The following AHRR variants were observed in gnomAD, a reference collection of about 807,000 sequenced individuals.
AHRR encodes the protein ahR repressor.
Under a neutral mutation model 44.0 loss-of-function variants are expected in AHRR, and 28 were observed. The observed-to-expected ratio is 0.64, with a 90% CI of 0.47 to 0.87. The LOEUF (loss-of-function observed/expected upper bound fraction) is 0.87. AHRR is among the 40% of genes least tolerant of loss of function. AHRR has a pLI of 0.00. For missense variants in AHRR, 990 were observed against 953.9 expected (o/e 1.04, Z -0.50); for synonymous variants, 434 against 407.0 (o/e 1.07, Z -0.80).
chr5:427,779 G>T, intron 7 of AHRR, 28 bp from the exon 8 acceptor site: 1 of 1,612,508 alleles, frequency 6.2e-7, no homozygotes, highest in South Asian at 1.1e-5. Context: ...TGGTGAACAC[G>T]CCTTCCTCTC....
intron 4 of AHRR, among the ~76,000 whole-genome samples, chr5:396,660 G>T (rs748082916): frequency 6.6e-6 from 1 of 152,192 alleles, no homozygotes; most frequent in South Asian, 2.1e-4. Flanking sequence ...CATTTCAGGA[G>T]TCCATCAGAT....
rs1736246235 is a variant in AHRR, at chr5:423,831, T to C, written c.572-10T>C. On this transcript the variant is annotated splice_polypyrimidine_tract_variant and intron_variant, in intron 6 of 10. Coordinates refer to ENST00000684583, the MANE Select transcript of AHRR (RefSeq NM_001377236.1). The stretch of plus-strand genomic sequence containing the variant: ...CCACCGCCACGCCCCTTGGCCCCTA[T>C]GGTCTGCAGGAGATGATGCTATCCT... 6.3e-7 allele frequency: 1 copy of C among 1,593,340 alleles called. No homozygotes were observed. The highest frequency in any genetic ancestry group is 8.5e-7 in the Non-Finnish European group (1 of 1,172,338).
chr5:365,362 C>T lies in AHRR; in HGVS notation c.245-11248C>T, dbSNP rs78776060. ...ATAATAACAAGATAACTTGAAAACC[C>T]GTATAGTTGGAAATAAATAAACACA... On this transcript the variant is annotated intron_variant, in intron 3 of 10. Transcript: ENST00000684583. Among the ~76,000 whole-genome samples the T allele has an allele frequency of 5.3e-3, 802 of 152,036 alleles. 6 individuals carry two copies. The highest frequency in any genetic ancestry group is 8.6e-3 in the Non-Finnish European group (585 of 67,958).
rs1038815122 is a variant in AHRR at position 411,943 on chromosome 5, A to G, written c.352-1401A>G. On this transcript the variant is annotated intron_variant, in intron 4 of 10. Transcript: ENST00000684583. The surrounding 1 kb of genome is among the most constrained non-coding windows in gnomAD (Gnocchi z 4.2). Reference sequence around the variant, plus strand: ...TGGTAGCCTGTGCTTGCTCAGCGTCAGTGGCCATTGCTGCCATGGACAGAT... The same window carrying G: ...TGGTAGCCTGTGCTTGCTCAGCGTCGGTGGCCATTGCTGCCATGGACAGAT... Among the ~76,000 whole-genome samples the G allele has an allele frequency of 2.6e-5, 4 of 152,210 alleles. No individual in the cohort carries two copies. Among genetic ancestry groups the G allele is most frequent in the African/African-American group, 9.6e-5 (4 of 41,454 alleles).
At chr5:363,070 C>G (rs1743235760) in intron 3 of AHRR, among the ~76,000 whole-genome samples, 1 of 152,236 alleles carries the variant, frequency 6.6e-6, no homozygotes, top group African/African-American at 2.4e-5. Context: ...AGTTAAAACT[C>G]TACATGTCTT....
chr5:348,616 G>A (rs1019632271), intron 2 of AHRR, among the ~76,000 whole-genome samples: 1 of 152,162 alleles, frequency 6.6e-6, no homozygotes, highest in Admixed American at 6.5e-5. Context: ...GAATCACACA[G>A]CATTTTGTCT....
At chr5:414,700 G>A (rs1470898452) in intron 5 of AHRR, among the ~76,000 whole-genome samples, 1 of 152,156 alleles carries the variant, frequency 6.6e-6, no homozygotes, top group Non-Finnish European at 1.5e-5. Context: ...GATAACAGCA[G>A]CAATATAAAG....
At chr5:420,921 C>A in intron 5 of AHRR, 1 of 341,628 alleles carries the variant, frequency 2.9e-6, no homozygotes, top group Non-Finnish European at 5.5e-6. Flanking sequence ...CATCCAGGCA[C>A]GCACACGCAG....
chr5:334,068 T>C (rs1318899717), intron 1 of AHRR, among the ~76,000 whole-genome samples: 2 of 152,164 alleles, frequency 1.3e-5, no homozygotes, highest in African/African-American at 2.4e-5. Context: ...CCTGCAAGGT[T>C]TTTGCTGAGA....
intron 1 of AHRR, among the ~76,000 whole-genome samples, chr5:334,527 G>A (rs896634968): frequency 6.6e-6 from 1 of 151,396 alleles, no homozygotes; most frequent in Non-Finnish European, 1.5e-5. Context: ...AATGTATTTT[G>A]TATTTCTGGT....
At chr5:344,380 C>T (rs1427709659) in intron 2 of AHRR, among the ~76,000 whole-genome samples, 14 of 140,750 alleles carry the variant, frequency 9.9e-5, no homozygotes, top group African/African-American at 3.8e-4. Context: ...CTATGCGAGG[C>T]TGTGTGTCTG....
At chr5:414,062 A>G (rs1735590967) in intron 5 of AHRR, among the ~76,000 whole-genome samples, 1 of 152,206 alleles carries the variant, frequency 6.6e-6, no homozygotes. Flanking sequence ...CAGGAGATTG[A>G]GACCAGGCTG....
chr5:353,725 C>T lies in AHRR; in HGVS notation c.63-5C>T, dbSNP rs1362298585. The T allele has an allele frequency of 6.2e-7, 1 of 1,604,570 alleles. No individual in the cohort carries two copies. The highest frequency in any genetic ancestry group is 1.7e-5 in the Admixed American group (1 of 59,522). On this transcript the variant is annotated splice_region_variant and splice_polypyrimidine_tract_variant and intron_variant, in intron 2 of 10. Coordinates refer to ENST00000684583, the MANE Select transcript of AHRR (RefSeq NM_001377236.1). ...GCCCACCTGACCCAGACCATCTCCC[C>T]ACAGGAGGCCCGCCGTGGGGGCAGA... is the stretch of plus-strand genomic sequence containing the variant.
chr5:394,789 G>C (rs1734625088), intron 4 of AHRR, among the ~76,000 whole-genome samples: 1 of 152,244 alleles, frequency 6.6e-6, no homozygotes, highest in Admixed American at 6.5e-5. Flanking sequence ...GGAGGGCAGA[G>C]GGGAGGGCAG....
chr5:418,444 T>G (rs1735921320), intron 5 of AHRR, among the ~76,000 whole-genome samples: 1 of 152,212 alleles, frequency 6.6e-6, no homozygotes, highest in Non-Finnish European at 1.5e-5. Flanking sequence ...TTTGCCTCAG[T>G]TGGAGAAGTC....
At chr5:403,716 T>A in intron 4 of AHRR, 3 of 1,037,832 alleles carry the variant, frequency 2.9e-6, no homozygotes, top group Non-Finnish European at 4.3e-6. Flanking sequence ...AGAGGCATAT[T>A]TTTCCGTATT....
Position 419,414 on chromosome 5 carries a change from G to T in AHRR, c.442-3315G>T, listed in dbSNP as rs576733329. ...ACTCCCAACCTCAAGTGATCTGCCCGCCTTGGCCTCCTAAAGTGCTGGGAT... is the reference window on the plus strand; with the variant it reads ...ACTCCCAACCTCAAGTGATCTGCCCTCCTTGGCCTCCTAAAGTGCTGGGAT... On this transcript the variant is annotated intron_variant, in intron 5 of 10. Coordinates refer to ENST00000684583, the MANE Select transcript of AHRR (RefSeq NM_001377236.1). This position sits in a 1 kb window ranked among gnomAD's most constrained non-coding sequence, Gnocchi z 4.4. 6.6e-6 allele frequency among the ~76,000 whole-genome samples: 1 copy of T among 152,088 alleles called. No homozygotes were observed. Among genetic ancestry groups the T allele is most frequent in the Non-Finnish European group, 1.5e-5 (1 of 68,010 alleles).
At chr5:362,891 C>G (rs576534309) in intron 3 of AHRR, among the ~76,000 whole-genome samples, 1 of 152,216 alleles carries the variant, frequency 6.6e-6, no homozygotes, top group Non-Finnish European at 1.5e-5. Flanking sequence ...TTTGATTTTT[C>G]TCATGTCTGC....
chr5:399,705 G>A (rs1224520745), intron 4 of AHRR, among the ~76,000 whole-genome samples: 3 of 152,224 alleles, frequency 2.0e-5, no homozygotes, highest in African/African-American at 7.2e-5. Context: ...TCAGCCAGAA[G>A]GGGGCCCAGG....
Sources: gnomAD v4.1 joint callset for allele counts (sites outside exome capture counted in the v4.1 genomes callset) on GRCh38, gnomAD v4.1.1 for gene constraint, Gnocchi (gnomAD v3.1) non-coding constraint, MANE v1.5 for transcripts, NCBI Gene and HGNC (gene_info 2026-07-23, HGNC 2026-07-21) for gene names.